PBX3: variants seen among roughly 807,000 people sequenced by gnomAD.
PBX3 encodes the protein PBX homeobox 3.
Under a neutral mutation model 48.5 loss-of-function variants are expected in PBX3, and 14 were observed. That is an observed-to-expected ratio of 0.29 (90% CI 0.19 to 0.45). The LOEUF (loss-of-function observed/expected upper bound fraction) is 0.45, where lower values mean the gene tolerates loss of function less well. Ranked by LOEUF, PBX3 falls within the 20% of genes least tolerant of loss-of-function variation. The pLI is 1.00. For missense variants in PBX3, 386 were observed against 546.7 expected (o/e 0.71, Z 2.93); for synonymous variants, 210 against 200.3 (o/e 1.05, Z -0.41).
intron 2 of PBX3, among the ~76,000 whole-genome samples, chr9:125,825,298 A>C (rs908324849): frequency 6.6e-6 from 1 of 152,120 alleles, no homozygotes; most frequent in Admixed American, 6.6e-5. Flanking sequence ...AAAAAAAAAC[A>C]ATTATTGAGA....
At chr9:125,794,374 G>A (rs181610332) in intron 2 of PBX3, among the ~76,000 whole-genome samples, 1 of 152,260 alleles carries the variant, frequency 6.6e-6, no homozygotes, top group East Asian at 1.9e-4. Context: ...AGTTTGAGAA[G>A]CTCAGTGTTA....
chr9:125,869,913 C>T (rs559783299), intron 2 of PBX3, among the ~76,000 whole-genome samples: 3 of 152,082 alleles, frequency 2.0e-5, no homozygotes, highest in Admixed American at 6.5e-5. Context: ...TCCCTTTTCA[C>T]GCTGCTGATA....
intron 2 of PBX3, among the ~76,000 whole-genome samples, chr9:125,756,907 C>G (rs1836532814): frequency 6.6e-6 from 1 of 152,136 alleles, no homozygotes; most frequent in South Asian, 2.1e-4. Flanking sequence ...CTAGTTAAAT[C>G]AGTGAATCCT....
At chr9:125,780,360 C>T (rs1373841043) in intron 2 of PBX3, among the ~76,000 whole-genome samples, 11 of 138,334 alleles carry the variant, frequency 8.0e-5, no homozygotes, top group Admixed American at 1.4e-4. Context: ...GCTGGCTGGG[C>T]GGGGAGCTGA....
At chr9:125,748,670 G>T (rs745561874) in intron 2 of PBX3, 47 bp downstream of exon 2, 6 of 1,476,930 alleles carry the variant, frequency 4.1e-6, no homozygotes, top group Non-Finnish European at 5.7e-6. Context: ...CCGAGGTGGG[G>T]GTCGGAGCTA....
chr9:125,966,138 C>T lies in PBX3; in HGVS notation c.*215C>T, dbSNP rs1339969138. On this transcript the variant is annotated 3_prime_UTR_variant, in exon 9 of 9. Transcript: ENST00000373489. Reference sequence around the variant, plus strand: ...TGTTAAAAAAAATAAAGCACTTTATCCAATTAGGCCAAGATTTAACATTGT... The same window carrying T: ...TGTTAAAAAAAATAAAGCACTTTATTCAATTAGGCCAAGATTTAACATTGT... 7.2e-6 allele frequency: 3 copies of T among 415,386 alleles called. No individual in the cohort carries two copies. The highest frequency in any genetic ancestry group is 1.3e-5 in the Non-Finnish European group (3 of 232,160). The allele number at this position is 415,386 out of a possible 1,614,324, so 25.7% of individuals were successfully genotyped here. A position where few individuals can be genotyped will look rare whatever the true frequency, so the allele number is the denominator to read the frequency against.
chr9:125,925,298 T>C (rs1245947459), intron 3 of PBX3, among the ~76,000 whole-genome samples: 1 of 152,190 alleles, frequency 6.6e-6, no homozygotes, highest in Non-Finnish European at 1.5e-5. Context: ...CTGTTGAATA[T>C]GGCAGCCACT....
chr9:125,849,811 T>C (rs138425231), intron 2 of PBX3, among the ~76,000 whole-genome samples: 1 of 152,130 alleles, frequency 6.6e-6, no homozygotes, highest in East Asian at 1.9e-4. Context: ...TTCAGTGCTT[T>C]AGATGCATTA....
At chr9:125,756,157 T>C (rs759453360) in intron 2 of PBX3, among the ~76,000 whole-genome samples, 22 of 152,166 alleles carry the variant, frequency 1.4e-4, no homozygotes, top group Non-Finnish European at 2.5e-4. Context: ...TTATAATTCA[T>C]GGTTAAACTG....
At chr9:125,804,887 C>T (rs1043426451) in intron 2 of PBX3, among the ~76,000 whole-genome samples, 2 of 66,970 alleles carry the variant, frequency 3.0e-5, no homozygotes, top group Non-Finnish European at 7.7e-5. Context: ...ACGGAGGTTG[C>T]TGTGAGCTGA....
chr9:125,897,141 GTTTTTT>G (rs371641194), intron 2 of PBX3, among the ~76,000 whole-genome samples: 12 of 108,920 alleles, frequency 1.1e-4, no homozygotes, highest in Admixed American at 5.0e-4. Flanking sequence ...TTCATTTGTG[GTTTTTT>G]TTTTTTTTTT....
chr9:125,808,694 A>G (rs1333378341), intron 2 of PBX3, among the ~76,000 whole-genome samples: 1 of 152,164 alleles, frequency 6.6e-6, no homozygotes, highest in East Asian at 1.9e-4. Context: ...CAGTCACTGT[A>G]AACACTAATT....
chr9:125,811,483 GT>G (rs1171793567), intron 2 of PBX3, among the ~76,000 whole-genome samples: 6 of 152,174 alleles, frequency 3.9e-5, no homozygotes, highest in African/African-American at 1.4e-4. Context: ...AGATCCGATG[GT>G]TTTATAAGGA....
At chr9:125,922,464 CCAAATATTG>C (rs1409691348) in intron 3 of PBX3, among the ~76,000 whole-genome samples, 6 of 152,080 alleles carry the variant, frequency 3.9e-5, no homozygotes, top group African/African-American at 1.4e-4. Flanking sequence ...CTTTTATTTC[CCAAATATTG>C]CAATTAACCA....
chr9:125,840,676 A>C (rs1277489924), intron 2 of PBX3, among the ~76,000 whole-genome samples: 1 of 152,048 alleles, frequency 6.6e-6, no homozygotes, highest in African/African-American at 2.4e-5. Flanking sequence ...TTTTACTTGA[A>C]AACTGTTAGT....
intron 2 of PBX3, among the ~76,000 whole-genome samples, chr9:125,856,881 A>C (rs1383297925): frequency 6.6e-6 from 1 of 152,180 alleles, no homozygotes; most frequent in Non-Finnish European, 1.5e-5. Context: ...CCATCTGGAA[A>C]TGCTTTTGGT....
At chr9:125,929,547 T>C in intron 3 of PBX3, 108 bp from the exon 4 acceptor site, 5 of 712,132 alleles carry the variant, frequency 7.0e-6, no homozygotes, top group Non-Finnish European at 9.4e-6. Context: ...CCCTACACAC[T>C]GTATAATGCT....
intron 2 of PBX3, among the ~76,000 whole-genome samples, chr9:125,765,907 T>A (rs1018828560): frequency 5.3e-5 from 8 of 152,148 alleles, no homozygotes; most frequent in Admixed American, 5.2e-4. Context: ...ATTTTATTTT[T>A]CTACTTAAAA....
intron 2 of PBX3, among the ~76,000 whole-genome samples, chr9:125,891,276 A>C (rs1273307979): frequency 6.6e-6 from 1 of 152,230 alleles, no homozygotes; most frequent in East Asian, 1.9e-4. Flanking sequence ...ACTTTTAAGT[A>C]CTTACAATTT....
Sources: gnomAD v4.1 joint callset for allele counts (sites outside exome capture counted in the v4.1 genomes callset) on GRCh38, gnomAD v4.1.1 for gene constraint, MANE v1.5 for transcripts, NCBI Gene and HGNC (gene_info 2026-07-23, HGNC 2026-07-21) for gene names.